Variants in CACNG3 observed in about 807,000 individuals in gnomAD.
CACNG3 encodes voltage-dependent calcium channel gamma-3 subunit.
A neutral mutation model predicts 28.5 loss-of-function variants in CACNG3; 3 were observed. The observed-to-expected ratio is 0.11, with a 90% CI of 0.05 to 0.27. CACNG3 has a LOEUF of 0.27. Among genes scored for constraint, CACNG3 ranks in the 10% least tolerant of loss-of-function variants. CACNG3 has a pLI of 1.00. For missense variants in CACNG3, 236 were observed against 414.4 expected, an observed-to-expected ratio of 0.57 and a Z score of 3.74; for synonymous variants, 174 against 162.2, an observed-to-expected ratio of 1.07 and a Z score of -0.55.
intron 1 of CACNG3, among the ~76,000 whole-genome samples, chr16:24,345,486 A>T (rs1025931154): frequency 1.3e-5 from 2 of 152,148 alleles, no homozygotes; most frequent in African/African-American, 4.8e-5. Context: ...GGATCACCTG[A>T]TGTCAGGAGT....
chr16:24,298,861 G>C (rs1899068309), intron 1 of CACNG3, among the ~76,000 whole-genome samples: 2 of 152,090 alleles, frequency 1.3e-5, no homozygotes, highest in Admixed American at 6.5e-5. Flanking sequence ...AATTTGCCTT[G>C]GGCTGTTTTG....
chr16:24,261,824 G>T (rs1229536886), intron 1 of CACNG3, among the ~76,000 whole-genome samples: 1 of 152,148 alleles, frequency 6.6e-6, no homozygotes, highest in Non-Finnish European at 1.5e-5. Context: ...GTCATTAGAA[G>T]TTCTCCCATA....
intron 1 of CACNG3, among the ~76,000 whole-genome samples, chr16:24,262,663 A>G (rs1481006418): frequency 4.6e-5 from 7 of 152,154 alleles, no homozygotes. Flanking sequence ...CTTGTGTCCC[A>G]TTGGTTGTTA....
chr16:24,302,759 A>G (rs1055449207), intron 1 of CACNG3, among the ~76,000 whole-genome samples: 3 of 152,026 alleles, frequency 2.0e-5, no homozygotes, highest in Admixed American at 6.6e-5. Flanking sequence ...TCCCAGATTC[A>G]AATGATTCTC....
At chr16:24,347,177 A>G (rs188089775) in intron 2 of CACNG3, among the ~76,000 whole-genome samples, 335 of 152,144 alleles carry the variant, frequency 2.2e-3, no homozygotes, top group Non-Finnish European at 4.0e-3. Flanking sequence ...AATTAGCTGC[A>G]TGTGGTGGCA....
At position 24,256,367 on chromosome 16, in the gene CACNG3, G is replaced by C. The variant is rs1471773726; in HGVS notation, c.-388G>C. ...CACAGAGACCTCTCTGGGTTTCTTT[G>C]CCTTGAGTCTCCCGGGGCTGTGAGA... On this transcript the variant is annotated 5_prime_UTR_variant, in exon 1 of 4. Coordinates refer to ENST00000005284, the MANE Select transcript of CACNG3 (RefSeq NM_006539.4). This position sits in a 1 kb window ranked among gnomAD's most constrained non-coding sequence, Gnocchi z 4.6. 3.8e-6 allele frequency: 1 copy of C among 260,736 alleles called. No homozygotes were observed. Among genetic ancestry groups the C allele is most frequent in the Non-Finnish European group, 7.5e-6 (1 of 134,120 alleles). The allele number at this position is 260,736 out of a possible 1,614,324, so 16.2% of individuals were successfully genotyped here. A position where few individuals can be genotyped will look rare whatever the true frequency, so the allele number is the denominator to read the frequency against.
At chr16:24,317,110 T>C (rs1020373129) in intron 1 of CACNG3, among the ~76,000 whole-genome samples, 1 of 152,190 alleles carries the variant, frequency 6.6e-6, no homozygotes, top group African/African-American at 2.4e-5. Flanking sequence ...ATCATCATTA[T>C]TGCCCACACA....
intron 1 of CACNG3, among the ~76,000 whole-genome samples, chr16:24,314,733 GCCTCCTCCTCCT>G (rs140787661): frequency 5.9e-5 from 7 of 119,070 alleles, no homozygotes; most frequent in Admixed American, 1.8e-4. Flanking sequence ...TAGGACTCTC[GCCTCCTCCTCCT>G]CCTCCTCCTC....
intron 1 of CACNG3, among the ~76,000 whole-genome samples, chr16:24,345,008 C>T (rs747202704): frequency 3.3e-5 from 5 of 152,188 alleles, no homozygotes; most frequent in Non-Finnish European, 7.3e-5. Flanking sequence ...ATAGCCTCTA[C>T]CTCCTGGGGT....
intron 1 of CACNG3, among the ~76,000 whole-genome samples, chr16:24,259,112 G>A (rs560137299): frequency 1.3e-5 from 2 of 152,188 alleles, no homozygotes; most frequent in African/African-American, 2.4e-5. Context: ...CCTTGGGCAG[G>A]TGAATTCTAT....
intron 1 of CACNG3, among the ~76,000 whole-genome samples, chr16:24,330,838 G>A (rs1305920992): frequency 6.6e-6 from 1 of 152,190 alleles, no homozygotes; most frequent in Middle Eastern, 3.2e-3. Flanking sequence ...GGGTTAAGAA[G>A]ACTTTCAGAC....
intron 1 of CACNG3, among the ~76,000 whole-genome samples, chr16:24,276,420 C>T: frequency 6.6e-6 from 1 of 152,088 alleles, no homozygotes; most frequent in East Asian, 1.9e-4. Context: ...GTAAAGGAGT[C>T]CTAAGACCAA....
chr16:24,260,664 C>A (rs1178083920), intron 1 of CACNG3, among the ~76,000 whole-genome samples: 1 of 152,212 alleles, frequency 6.6e-6, no homozygotes, highest in Admixed American at 6.5e-5. Flanking sequence ...TCAGAAGTTT[C>A]AGATCTCAGA....
In CACNG3 at chr16:24,341,753, G is replaced by A. The variant is rs139599092; in HGVS notation, c.212-4981G>A. On this transcript the variant is annotated intron_variant, in intron 1 of 3. Transcript: ENST00000005284. Reference sequence around the variant, plus strand: ...TCTTACTAAATACATTTTGGTTCGGGGGTTGCAAACTCAAATATCTACAGG... The same window carrying A: ...TCTTACTAAATACATTTTGGTTCGGAGGTTGCAAACTCAAATATCTACAGG... Among the ~76,000 whole-genome samples, 4 of 152,208 alleles carry A rather than the reference G, an allele frequency of 2.6e-5. No individual in the cohort carries two copies. In the East Asian group the frequency reaches 7.7e-4, roughly 29 times the overall value.
In CACNG3 at chr16:24,287,553, A is replaced by C. The variant is rs181201486; in HGVS notation, c.211+30588A>C. Among the ~76,000 whole-genome samples, 4 of 152,076 alleles carry C rather than the reference A, an allele frequency of 2.6e-5. No homozygotes were observed. In the East Asian group the frequency reaches 7.7e-4, roughly 29 times the overall value. ...AAAAAAAGGAAGAAAAAGAAAAAAA[A>C]AATGTAGACTCTGGAGTCAGAATGA... On this transcript the variant is annotated intron_variant, in intron 1 of 3. Transcript: ENST00000005284.
intron 1 of CACNG3, among the ~76,000 whole-genome samples, chr16:24,341,907 A>C (rs1159424445): frequency 6.6e-6 from 1 of 152,240 alleles, no homozygotes; most frequent in Admixed American, 6.5e-5. Flanking sequence ...AATGTGAGAC[A>C]GAGGTCCCCA....
intron 1 of CACNG3, among the ~76,000 whole-genome samples, chr16:24,297,814 C>T (rs530266945): frequency 2.4e-4 from 37 of 152,194 alleles, no homozygotes; most frequent in African/African-American, 8.2e-4. Flanking sequence ...GTTTCCTAGA[C>T]GTGGTCAGCA....
At chr16:24,335,495 C>T (rs1229455071) in intron 1 of CACNG3, among the ~76,000 whole-genome samples, 1 of 152,186 alleles carries the variant, frequency 6.6e-6, no homozygotes, top group Non-Finnish European at 1.5e-5. Flanking sequence ...ATACATACTT[C>T]CCATGTGCTA....
At chr16:24,273,395 T>C (rs1427338577) in intron 1 of CACNG3, among the ~76,000 whole-genome samples, 1 of 152,224 alleles carries the variant, frequency 6.6e-6, no homozygotes, top group Non-Finnish European at 1.5e-5. Context: ...ATAACGCACA[T>C]CTTCATTTCC....
Sources: gnomAD v4.1 joint callset for allele counts (sites outside exome capture counted in the v4.1 genomes callset) on GRCh38, gnomAD v4.1.1 for gene constraint, Gnocchi (gnomAD v3.1) non-coding constraint, MANE v1.5 for transcripts, NCBI Gene and HGNC (gene_info 2026-07-23, HGNC 2026-07-21) for gene names.